PTPN14: variants seen among roughly 807,000 people sequenced by gnomAD.
The protein encoded by PTPN14 is protein tyrosine phosphatase non-receptor type 14, also known as tyrosine-protein phosphatase non-receptor type 14.
Under a neutral mutation model 126.8 loss-of-function variants are expected in PTPN14, and 53 were observed. That is an observed-to-expected ratio of 0.42 (90% CI 0.34 to 0.53). The LOEUF is 0.53. Among genes scored for constraint, PTPN14 ranks in the 20% least tolerant of loss-of-function variants. The pLI is 0.08. For synonymous variants in PTPN14, 630 were observed against 599.3 expected (o/e 1.05, Z -0.75); for missense variants, 1,257 against 1,552.9 (o/e 0.81, Z 3.20).
chr1:214,388,963 G>C (rs1658688329), intron 11 of PTPN14, among the ~76,000 whole-genome samples: 1 of 152,294 alleles, frequency 6.6e-6, no homozygotes, highest in Admixed American at 6.5e-5. Flanking sequence ...AATCAAGACA[G>C]AAGAAATGAA....
chr1:214,499,974 C>T (rs1654641118), intron 1 of PTPN14, among the ~76,000 whole-genome samples: 1 of 151,782 alleles, frequency 6.6e-6, no homozygotes, highest in South Asian at 2.1e-4. Context: ...GTTCTACCTT[C>T]CAGAGCGTTT....
At chr1:214,501,533 C>A (rs78483506) in intron 1 of PTPN14, among the ~76,000 whole-genome samples, 6,383 of 152,166 alleles carry the variant, frequency 0.042, 206 homozygotes, top group Middle Eastern at 0.12. Context: ...TGAATGACCA[C>A]GCCCAGCCCA....
rs79862878 is a variant in PTPN14, at chr1:214,390,914, T to A, written c.987+74A>T. The A allele has an allele frequency of 5.1e-4, 635 of 1,256,532 alleles. 8 individuals are homozygous for A. The East Asian group carries it at 0.015, about 30-fold the overall frequency. The allele number at this position is 1,256,532 out of a possible 1,614,324, so 77.8% of individuals were successfully genotyped here. ...TCACCTCATCATGATGCCCTCATCA[T>A]CCCCCCACCTCAAATTAATAACAAA... On this transcript the variant is annotated intron_variant, in intron 11 of 18. Coordinates refer to ENST00000366956, the MANE Select transcript of PTPN14 (RefSeq NM_005401.5).
chr1:214,379,872 A>C (rs954746353), intron 13 of PTPN14, among the ~76,000 whole-genome samples: 6 of 152,202 alleles, frequency 3.9e-5, no homozygotes, highest in Admixed American at 6.5e-5. Flanking sequence ...TGCCCCGACC[A>C]CCTTGGGCAC....
rs1237984886 is a variant in PTPN14, at chr1:214,384,080, C to T, written c.1775G>A (p.Gly592Asp). 3 of 1,574,952 alleles carry T rather than the reference C, an allele frequency of 1.9e-6. No homozygotes were observed. In the East Asian group the frequency reaches 6.7e-5, roughly 35 times the overall value. The stretch of plus-strand genomic sequence containing the variant: ...CCGGGTCACCAGGTCCGGGCTGCTG[C>T]CGCTGACGTACTTGTGGCGGTGGCT... ...LASHRHKYVS[G>D]SSPDLVTRKV... The change falls in exon 13 of 19, where the codon GGC becomes GAC. Residue 592 changes from glycine (G) to aspartate (D), a missense_variant. By Grantham distance (94) the Gly-to-Asp change is moderately conservative. Transcript: ENST00000366956. This position sits in a 1 kb window ranked among gnomAD's most constrained non-coding sequence, Gnocchi z 5.3.
chr1:214,392,804 G>A (rs1321108738), intron 10 of PTPN14, among the ~76,000 whole-genome samples: 2 of 152,146 alleles, frequency 1.3e-5, no homozygotes, highest in African/African-American at 4.8e-5. Context: ...TCCACGGTGT[G>A]GAGAAAAAAG....
chr1:214,424,913 T>A (rs949332686), intron 3 of PTPN14, among the ~76,000 whole-genome samples: 3 of 145,888 alleles, frequency 2.1e-5, no homozygotes, highest in Non-Finnish European at 4.5e-5. Context: ...TCACAGCAAT[T>A]TAATATTAAA....
intron 11 of PTPN14, among the ~76,000 whole-genome samples, chr1:214,390,212 A>T (rs1309381795): frequency 6.6e-6 from 1 of 152,262 alleles, no homozygotes; most frequent in East Asian, 1.9e-4. Context: ...GACCTAAAAT[A>T]AAAGAATTGT....
chr1:214,378,755 G>A (rs1005870390), intron 13 of PTPN14, among the ~76,000 whole-genome samples: 3 of 150,948 alleles, frequency 2.0e-5, no homozygotes, highest in African/African-American at 7.4e-5. Flanking sequence ...AAGATGATCC[G>A]CAGGCATCAC....
intron 1 of PTPN14, among the ~76,000 whole-genome samples, chr1:214,525,123 G>A (rs985457563): frequency 1.3e-5 from 2 of 152,274 alleles, no homozygotes; most frequent in East Asian, 3.9e-4. Flanking sequence ...CACAGAATCA[G>A]CACTAAATCT....
At chr1:214,402,392 A>G (rs1277759124) in intron 6 of PTPN14, among the ~76,000 whole-genome samples, 2 of 138,652 alleles carry the variant, frequency 1.4e-5, no homozygotes, top group African/African-American at 5.5e-5. Context: ...GTGGACCGAG[A>G]TCGCACCACT....
rs117306296 is a variant in PTPN14 at position 214,513,177 on chromosome 1, T to C, written c.-155+38006A>G. Among the ~76,000 whole-genome samples, 90 of 152,218 alleles carry C rather than the reference T, an allele frequency of 5.9e-4. 2 individuals carry two copies. The East Asian group carries it at 0.016, about 27-fold the overall frequency. On this transcript the variant is annotated intron_variant, in intron 1 of 18. Coordinates refer to ENST00000366956, the MANE Select transcript of PTPN14 (RefSeq NM_005401.5). ...CCTAAAAGATAGTTGGGGGAAGCAG[T>C]AGGAAAGTTGGAAACTGGCTGCCTG... is the stretch of plus-strand genomic sequence containing the variant.
chr1:214,544,202 G>T (rs1655912194), intron 1 of PTPN14, among the ~76,000 whole-genome samples: 1 of 152,220 alleles, frequency 6.6e-6, no homozygotes, highest in Non-Finnish European at 1.5e-5. Flanking sequence ...AAAGTAGGAG[G>T]ATCGCTTGAG....
chr1:214,541,398 T>A (rs1289848056), intron 1 of PTPN14, among the ~76,000 whole-genome samples: 1 of 152,140 alleles, frequency 6.6e-6, no homozygotes, highest in Non-Finnish European at 1.5e-5. Context: ...TTAGGTGTGA[T>A]CAAGAGCTAT....
chr1:214,530,050 T>C (rs546081816), intron 1 of PTPN14: 2 of 152,290 alleles, frequency 1.3e-5, no homozygotes, highest in South Asian at 2.1e-4. Context: ...GATGCAGGTA[T>C]GTTAAAACAG....
chr1:214,374,602 C>A (rs1173398601), intron 15 of PTPN14, among the ~76,000 whole-genome samples: 2 of 152,188 alleles, frequency 1.3e-5, no homozygotes, highest in African/African-American at 4.8e-5. Flanking sequence ...TCTGTGTTAA[C>A]GGCTGCTTGG....
intron 1 of PTPN14, among the ~76,000 whole-genome samples, chr1:214,510,368 G>A (rs974661332): frequency 3.6e-4 from 55 of 152,272 alleles, no homozygotes; most frequent in South Asian, 1.7e-3. Flanking sequence ...AGCACGTGCC[G>A]TTGGAAAAAC....
At chr1:214,455,234 A>C (rs1233685109) in intron 2 of PTPN14, among the ~76,000 whole-genome samples, 1 of 152,224 alleles carries the variant, frequency 6.6e-6, no homozygotes, top group Non-Finnish European at 1.5e-5. Context: ...CTGAGACCCC[A>C]CCAGGCTGGT....
chr1:214,390,004 A>C (rs1205076659), intron 11 of PTPN14, among the ~76,000 whole-genome samples: 1 of 152,250 alleles, frequency 6.6e-6, no homozygotes, highest in Non-Finnish European at 1.5e-5. Flanking sequence ...TCAAGAATTC[A>C]GAGTCCACAT....
Sources: gnomAD v4.1 joint callset for allele counts (sites outside exome capture counted in the v4.1 genomes callset) on GRCh38, gnomAD v4.1.1 for gene constraint, Gnocchi (gnomAD v3.1) non-coding constraint, MANE v1.5 for transcripts, NCBI Gene and HGNC (gene_info 2026-07-23, HGNC 2026-07-21) for gene names.